The following CCDC125 variants were observed in gnomAD, a reference collection of about 807,000 sequenced individuals.
The protein encoded by CCDC125 is coiled-coil domain-containing protein 125.
A neutral mutation model predicts 57.4 loss-of-function variants in CCDC125; 43 were observed. That is an observed-to-expected ratio of 0.75 (90% confidence interval 0.59 to 0.97). The LOEUF (loss-of-function observed/expected upper bound fraction) is 0.97. Among genes scored for constraint, CCDC125 ranks in the 50% least tolerant of loss-of-function variants. The probability of loss-of-function intolerance (pLI) is 0.00; values close to 1 mark genes in which losing one functional copy is unlikely to be tolerated. For missense variants in CCDC125, 563 were observed against 595.7 expected, an observed-to-expected ratio of 0.95 and a Z score of 0.57; for synonymous variants, 187 against 195.2, an observed-to-expected ratio of 0.96 and a Z score of 0.35.
Position 69,284,128 on chromosome 5 carries a change from AAC to A in CCDC125, c.1231-1096_1231-1095del, listed in dbSNP as rs1288353158. On this transcript the variant is annotated intron_variant, in intron 11 of 11. Transcript: ENST00000396496. ...TTAAAAATAATTTTTTAAAAAAAAA[AAC>A]AGAAGACAGCATTGAAAATTTTGCA... Among the ~76,000 whole-genome samples the A allele has an allele frequency of 1.2e-3, 180 of 152,152 alleles. 1 individual carries two copies. Among genetic ancestry groups the A allele is most frequent in the African/African-American group, 4.2e-3 (175 of 41,530 alleles).
intron 7 of CCDC125, among the ~76,000 whole-genome samples, chr5:69,301,203 G>C (rs1266820217): frequency 1.3e-5 from 2 of 151,648 alleles, no homozygotes; most frequent in Non-Finnish European, 2.9e-5. Flanking sequence ...TCAGACTCCT[G>C]GCCTCAAGCA....
intron 8 of CCDC125, among the ~76,000 whole-genome samples, chr5:69,297,956 G>A (rs1424671724): frequency 6.6e-6 from 1 of 151,344 alleles, no homozygotes; most frequent in Non-Finnish European, 1.5e-5. Context: ...CTGAGCTACA[G>A]AGTAAGGCCC....
intron 9 of CCDC125, among the ~76,000 whole-genome samples, chr5:69,292,598 C>T (rs567402302): frequency 6.6e-6 from 1 of 152,262 alleles, no homozygotes; most frequent in Middle Eastern, 3.4e-3. Flanking sequence ...GCTAACCTAA[C>T]CCCTGGACCT....
At chr5:69,274,904 C>T in the CCDC125 span, among the ~76,000 whole-genome samples, 2 of 152,128 alleles carry the variant, frequency 1.3e-5, no homozygotes, top group Non-Finnish European at 2.9e-5. Flanking sequence ...GCATGAGCCA[C>T]CCCGCCCTGC....
At chr5:69,287,655 A>G (rs949671157) in intron 10 of CCDC125, among the ~76,000 whole-genome samples, 1 of 151,048 alleles carries the variant, frequency 6.6e-6, no homozygotes, top group Non-Finnish European at 1.5e-5. Flanking sequence ...CTGCAGCCTC[A>G]GCCTCCCAGG....
chr5:69,311,188 T>C lies in CCDC125; in HGVS notation c.383A>G (p.Lys128Arg). The change falls in exon 4 of 12, where the codon AAA becomes AGA. Residue 128 changes from lysine to arginine, a missense_variant. By Grantham distance (26) the Lys-to-Arg change is conservative. Transcript: ENST00000396496. ...NETLEEVEML[K>R]TELEASQRQL... Reference sequence around the variant, plus strand: ...TCTTTGAGATGCCTCAAGTTCAGTTTTTAACATTTCTACCTCCTGAGGACA... The same window carrying C: ...TCTTTGAGATGCCTCAAGTTCAGTTCTTAACATTTCTACCTCCTGAGGACA... 6.2e-7 allele frequency: 1 copy of C among 1,608,084 alleles called. No homozygotes were observed. The highest frequency in any genetic ancestry group is 8.5e-7 in the Non-Finnish European group (1 of 1,175,586).
Position 69,282,076 on chromosome 5 carries a change from G to A in CCDC125, c.*653C>T, listed in dbSNP as rs1461883393. 1 of 151,942 alleles carries A rather than the reference G, an allele frequency of 6.6e-6. No individual in the cohort carries two copies. Among genetic ancestry groups the A allele is most frequent in the Non-Finnish European group, 1.5e-5 (1 of 68,000 alleles). 9.4% of individuals were successfully genotyped at this position (151,942 alleles called of 1,614,324 possible). A position where few individuals can be genotyped will look rare whatever the true frequency, so the allele number is the denominator to read the frequency against. ...TAGCTAATTTTTTGTATTTTTAGTA[G>A]AGATGGGGTTTCTCCATGTTGGTCA... On this transcript the variant is annotated 3_prime_UTR_variant, in exon 12 of 12. Transcript: ENST00000396496.
intron 10 of CCDC125, among the ~76,000 whole-genome samples, chr5:69,290,491 T>TG (rs1754231639): frequency 6.6e-6 from 1 of 150,842 alleles, no homozygotes; most frequent in Non-Finnish European, 1.5e-5. Context: ...TTAGTAGAGA[T>TG]GGGGTTTCTC....
intron 1 of CCDC125, among the ~76,000 whole-genome samples, chr5:69,328,824 C>T (rs1390385158): frequency 2.0e-5 from 3 of 150,130 alleles, no homozygotes; most frequent in African/African-American, 7.4e-5. Flanking sequence ...GATGGAGTCT[C>T]GCTTTGTCAC....
At chr5:69,311,061 A>G (rs914697228) in intron 4 of CCDC125, 57 bp downstream of exon 4, 8 of 1,212,580 alleles carry the variant, frequency 6.6e-6, no homozygotes, top group Admixed American at 1.9e-5. Context: ...AGTTAAAACC[A>G]TACCAACATT....
rs1754442053 is a variant in CCDC125, at chr5:69,291,424, A to G, written c.1099+764T>C. ...TCGCCCAGTGCAGTGGCGCGATCTC[A>G]GCTCACTGCAACCTCTGCCTCCTGG... is the stretch of plus-strand genomic sequence containing the variant. On this transcript the variant is annotated intron_variant, in intron 10 of 11. Coordinates refer to ENST00000396496, the MANE Select transcript of CCDC125 (RefSeq NM_176816.5). Among the ~76,000 whole-genome samples, 3 of 151,356 alleles carry G rather than the reference A, an allele frequency of 2.0e-5. No individual in the cohort carries two copies. The South Asian group carries it at 6.3e-4, about 32-fold the overall frequency.
At chr5:69,292,073 A>G (rs6866993) in intron 10 of CCDC125, 115 bp downstream of exon 10, 378,841 of 928,380 alleles carry the variant, frequency 0.41, 80,506 homozygotes, top group Non-Finnish European at 0.45. Flanking sequence ...CCACAACCAT[A>G]TGTGAAGTTT....
At chr5:69,303,012 C>T (rs4976189) in intron 7 of CCDC125, among the ~76,000 whole-genome samples, 81,818 of 151,806 alleles carry the variant, frequency 0.54, 22,116 homozygotes, top group South Asian at 0.66. Context: ...TTTGTGAATG[C>T]CACTGAATTG....
intron 1 of CCDC125, among the ~76,000 whole-genome samples, chr5:69,325,519 AT>A (rs910007063): frequency 5.9e-5 from 9 of 151,522 alleles, no homozygotes; most frequent in African/African-American, 2.2e-4. Flanking sequence ...GTGGAGATGG[AT>A]TTTTTTTAAG....
intron 9 of CCDC125, among the ~76,000 whole-genome samples, chr5:69,292,723 C>G (rs1445336737): frequency 6.6e-6 from 1 of 152,138 alleles, no homozygotes; most frequent in Non-Finnish European, 1.5e-5. Flanking sequence ...TTGGGCCATT[C>G]CAGACCACAC....
intron 1 of CCDC125, among the ~76,000 whole-genome samples, chr5:69,330,464 T>C (rs927718424): frequency 6.6e-6 from 1 of 151,686 alleles, no homozygotes; most frequent in African/African-American, 2.4e-5. Flanking sequence ...CACGGTGGTG[T>C]GCACCTGTAG....
intron 1 of CCDC125, among the ~76,000 whole-genome samples, chr5:69,327,011 C>T (rs1760812256): frequency 6.6e-6 from 1 of 152,014 alleles, no homozygotes; most frequent in South Asian, 2.1e-4. Flanking sequence ...GCACTCTAGT[C>T]TGGTCAACAG....
rs1391511838 is a variant in CCDC125 at position 69,292,172 on chromosome 5, T to G, written c.1099+16A>C. ...TAAAATTACACCCACTTATTGCCAT[T>G]ATAATTCATAGTTACCATCCTCTTT... On this transcript the variant is annotated intron_variant, in intron 10 of 11. Transcript: ENST00000396496. 1 of 1,595,712 alleles carries G rather than the reference T, an allele frequency of 6.3e-7. No individual in the cohort carries two copies. Among genetic ancestry groups the G allele is most frequent in the South Asian group, 1.1e-5 (1 of 88,468 alleles).
At chr5:69,328,479 AAAAAATAAAAATAAAATAAAAAT>A (rs1213234859) in intron 1 of CCDC125, among the ~76,000 whole-genome samples, 1 of 151,942 alleles carries the variant, frequency 6.6e-6, no homozygotes, top group Non-Finnish European at 1.5e-5. Context: ...ACCCCATCTC[AAAAAATAAAAATAAAATAAAAAT>A]AAAAATAAAA....
Sources: allele counts gnomAD v4.1 joint callset (sites outside exome capture counted in the v4.1 genomes callset), GRCh38; gene constraint gnomAD v4.1.1; transcripts MANE v1.5; gene names NCBI Gene and HGNC (gene_info 2026-07-23, HGNC 2026-07-21).